The following RBFOX2 variants were observed in gnomAD, a reference collection of about 807,000 sequenced individuals.
The protein encoded by RBFOX2 is RNA binding fox-1 homolog 2.
A neutral mutation model predicts 49.1 loss-of-function variants in RBFOX2; 10 were observed. The ratio of observed to expected loss-of-function variants is 0.20; its 90% CI spans 0.13 to 0.35. RBFOX2 has a LOEUF of 0.35. Ranked by LOEUF, RBFOX2 falls within the 10% of genes least tolerant of loss-of-function variation. The pLI, the probability that RBFOX2 is intolerant of heterozygous loss-of-function variation, is 1.00. For missense variants in RBFOX2, 323 were observed against 486.9 expected, an observed-to-expected ratio of 0.66 and a Z score of 3.17; for synonymous variants, 183 against 187.4, an observed-to-expected ratio of 0.98 and a Z score of 0.19.
intron 1 of RBFOX2, among the ~76,000 whole-genome samples, chr22:35,812,881 G>A (rs186901067): frequency 2.0e-5 from 3 of 152,276 alleles, no homozygotes; most frequent in East Asian, 1.9e-4. Flanking sequence ...CTCTCACAGC[G>A]TTATTCTCAA....
chr22:35,855,512 C>T (rs1340354064), intron 1 of RBFOX2, among the ~76,000 whole-genome samples: 1 of 151,994 alleles, frequency 6.6e-6, no homozygotes, highest in Non-Finnish European at 1.5e-5. Context: ...GTTCAAGGAT[C>T]CTCCCACTTC....
intron 1 of RBFOX2, among the ~76,000 whole-genome samples, chr22:36,010,107 G>A (rs1033423935): frequency 6.6e-6 from 1 of 152,042 alleles, no homozygotes; most frequent in Non-Finnish European, 1.5e-5. Flanking sequence ...AAACACTACT[G>A]AGACCCACAT....
At chr22:35,781,284 T>C (rs1004056258) in intron 3 of RBFOX2, among the ~76,000 whole-genome samples, 6 of 152,194 alleles carry the variant, frequency 3.9e-5, no homozygotes, top group Admixed American at 3.9e-4. Context: ...ATTATTGGTA[T>C]GTTTACTGAG....
intron 1 of RBFOX2, among the ~76,000 whole-genome samples, chr22:35,834,957 A>G (rs1957391277): frequency 6.6e-6 from 1 of 152,186 alleles, no homozygotes; most frequent in Admixed American, 6.5e-5. Context: ...TAATCATTCT[A>G]ATAGTAATAG....
intron 1 of RBFOX2, among the ~76,000 whole-genome samples, chr22:35,913,560 G>GTGTA (rs1556391574): frequency 3.7e-4 from 54 of 147,258 alleles, no homozygotes; most frequent in African/African-American, 1.3e-3. Flanking sequence ...GTGTGTGTGT[G>GTGTA]TATATATATA....
chr22:35,858,850 T>C (rs1190054485), intron 1 of RBFOX2, among the ~76,000 whole-genome samples: 2 of 146,012 alleles, frequency 1.4e-5, no homozygotes, highest in East Asian at 4.0e-4. Flanking sequence ...AAAAAAAGAA[T>C]TAAGCTAAAA....
intron 1 of RBFOX2, among the ~76,000 whole-genome samples, chr22:35,847,055 T>C (rs909286340): frequency 3.9e-5 from 6 of 152,200 alleles, no homozygotes; most frequent in Non-Finnish European, 7.3e-5. Flanking sequence ...AGACTGTCTA[T>C]AAGAATAACT....
At chr22:35,877,194 A>T (rs2045238952) in intron 1 of RBFOX2, among the ~76,000 whole-genome samples, 1 of 152,242 alleles carries the variant, frequency 6.6e-6, no homozygotes, top group Admixed American at 6.5e-5. Context: ...AAAGACATGA[A>T]GATAAGGAAA....
At chr22:35,739,267 G>C (rs1928595453) in exon 12 of RBFOX2, 1 of 152,530 alleles carries the variant, frequency 6.6e-6, no homozygotes, top group South Asian at 2.1e-4. Flanking sequence ...CCTGCCATGG[G>C]GAGTGGGGAG....
chr22:35,989,473 G>GA (rs1327974382), intron 1 of RBFOX2, among the ~76,000 whole-genome samples: 2 of 152,070 alleles, frequency 1.3e-5, no homozygotes, highest in African/African-American at 2.4e-5. Context: ...TGATTTTGGA[G>GA]AAAAGAGTTT....
At chr22:35,788,890 T>C (rs1159791273) in intron 2 of RBFOX2, among the ~76,000 whole-genome samples, 2 of 152,220 alleles carry the variant, frequency 1.3e-5, no homozygotes, top group Non-Finnish European at 2.9e-5. Flanking sequence ...ATTCTCACGC[T>C]ACACATTTTC....
Position 35,756,159 on chromosome 22 carries a change from CACAAAA to C in RBFOX2, c.887+3723_887+3728del, listed in dbSNP as rs1242022767. 4.0e-6 allele frequency: 6 copies of C among 1,491,686 alleles called. No individual in the cohort carries two copies. The highest frequency in any genetic ancestry group is 2.2e-5 in the Admixed American group (1 of 46,426). 92.4% of individuals were successfully genotyped at this position (1,491,686 alleles called of 1,614,324 possible). A position where few individuals can be genotyped will look rare whatever the true frequency, so the allele number is the denominator to read the frequency against. On this transcript the variant is annotated intron_variant, in intron 9 of 11. Coordinates refer to ENST00000405409, the Ensembl canonical transcript of RBFOX2. ...GGTAAACCACACTGCAGAAAATCCA[CACAAAA>C]ACAAAAACAAAAAAAACAAAAGAAC...
chr22:35,822,253 CCTT>C (rs1954692367), intron 1 of RBFOX2, among the ~76,000 whole-genome samples: 1 of 152,186 alleles, frequency 6.6e-6, no homozygotes, highest in Non-Finnish European at 1.5e-5. Flanking sequence ...ATTTGGCTAT[CCTT>C]CTACTGTGTG....
intron 1 of RBFOX2, among the ~76,000 whole-genome samples, chr22:35,916,258 C>T (rs2050390040): frequency 6.6e-6 from 1 of 152,140 alleles, no homozygotes; most frequent in Non-Finnish European, 1.5e-5. Context: ...TACTGTCCAC[C>T]TTATAGAGAG....
Position 35,789,274 on chromosome 22 carries a change from G to A in RBFOX2, c.253-7528C>T, listed in dbSNP as rs527932292. On this transcript the variant is annotated intron_variant, in intron 2 of 11. Transcript: ENST00000405409. ...TAAGAGACCGTAGGCCAGGTAGAGCGGCTCACACCTGTAATCCCAGCACTT... is the reference window on the plus strand; with the variant it reads ...TAAGAGACCGTAGGCCAGGTAGAGCAGCTCACACCTGTAATCCCAGCACTT... Among the ~76,000 whole-genome samples the A allele has an allele frequency of 1.6e-4, 25 of 152,256 alleles. No individual in the cohort carries two copies. The South Asian group carries it at 3.7e-3, about 23-fold the overall frequency.
At chr22:35,889,065 G>A (rs2046941369) in intron 1 of RBFOX2, among the ~76,000 whole-genome samples, 1 of 152,174 alleles carries the variant, frequency 6.6e-6, no homozygotes, top group South Asian at 2.1e-4. Context: ...TGAGGCAGGA[G>A]AATCGCTTGA....
rs1271816514 is a variant in RBFOX2, at chr22:35,932,797, C to T, written c.-34+6050G>A. On this transcript the variant is annotated intron_variant, in intron 1 of 13. Transcript: ENST00000359369. ...TCAGGAGGCTGAGGCAGAAGAATCA[C>T]TTGAACCCGGGAGGCAAATGTTGCA... Among the ~76,000 whole-genome samples, 3 of 152,196 alleles carry T rather than the reference C, an allele frequency of 2.0e-5. No homozygotes were observed. The East Asian group carries it at 5.8e-4, about 29-fold the overall frequency.
intron 1 of RBFOX2, among the ~76,000 whole-genome samples, chr22:35,893,047 G>A: frequency 6.6e-6 from 1 of 152,228 alleles, no homozygotes; most frequent in East Asian, 1.9e-4. Flanking sequence ...TGGGCTAGAT[G>A]ACACAAATAA....
chr22:35,881,318 AT>A (rs1248327765), intron 1 of RBFOX2, among the ~76,000 whole-genome samples: 2 of 147,740 alleles, frequency 1.4e-5, no homozygotes, highest in Non-Finnish European at 3.0e-5. Flanking sequence ...GCTCACGCCT[AT>A]AATCTCAGCA....
Sources: gnomAD v4.1 joint callset for allele counts (sites outside exome capture counted in the v4.1 genomes callset) on GRCh38, gnomAD v4.1.1 for gene constraint, MANE v1.5 for transcripts, NCBI Gene and HGNC (gene_info 2026-07-23, HGNC 2026-07-21) for gene names.